Variants in EPHB1 observed in about 807,000 individuals in gnomAD.
EPHB1 encodes ephrin type-B receptor 1.
In EPHB1, 30 loss-of-function variants were observed where a neutral mutation model predicts 94.4. The observed-to-expected ratio is 0.32, with a 90% CI of 0.24 to 0.43. The LOEUF (loss-of-function observed/expected upper bound fraction) is 0.43, where lower values mean the gene tolerates loss of function less well. Ranked by LOEUF, EPHB1 falls within the 20% of genes least tolerant of loss-of-function variation. The probability of loss-of-function intolerance (pLI) is 1.00; values close to 1 mark genes in which losing one functional copy is unlikely to be tolerated. For synonymous variants in EPHB1, 522 were observed against 489.1 expected, an observed-to-expected ratio of 1.07 and a Z score of -0.89; for missense variants, 1,055 against 1,308.3, an observed-to-expected ratio of 0.81 and a Z score of 2.99.
At chr3:134,950,707 G>A (rs1932994369) in intron 2 of EPHB1, among the ~76,000 whole-genome samples, 4 of 152,092 alleles carry the variant, frequency 2.6e-5, no homozygotes, top group South Asian at 4.1e-4. Flanking sequence ...TGAAGGATCT[G>A]CCCCCATAAT....
chr3:135,018,770 G>C (rs1361268657), intron 3 of EPHB1, among the ~76,000 whole-genome samples: 1 of 152,116 alleles, frequency 6.6e-6, no homozygotes, highest in African/African-American at 2.4e-5. Context: ...GCCTAGCACT[G>C]TGTCTGCTGA....
intron 1 of EPHB1, among the ~76,000 whole-genome samples, chr3:134,909,183 A>G (rs2038403216): frequency 2.6e-5 from 4 of 151,474 alleles, no homozygotes; most frequent in Admixed American, 2.6e-4. Flanking sequence ...AATGCTCAGG[A>G]GGTCCTGGCC....
chr3:135,197,723 T>A (rs993821896), intron 11 of EPHB1, among the ~76,000 whole-genome samples: 1 of 152,180 alleles, frequency 6.6e-6, no homozygotes, highest in Non-Finnish European at 1.5e-5. Context: ...TTAAATCACC[T>A]CACCTAGACC....
intron 1 of EPHB1, among the ~76,000 whole-genome samples, chr3:134,804,069 C>CTTTTT: frequency 1.9e-5 from 1 of 51,810 alleles, no homozygotes; most frequent in Non-Finnish European, 3.5e-5. Flanking sequence ...TCATTATTGG[C>CTTTTT]TATTTTTTTT....
chr3:135,044,700 G>T (rs1364849373), intron 3 of EPHB1, among the ~76,000 whole-genome samples: 2 of 152,204 alleles, frequency 1.3e-5, no homozygotes, highest in Admixed American at 6.5e-5. Context: ...TTGAGCAAAT[G>T]CTTAATAAAT....
At chr3:134,938,756 C>T (rs1048667892) in intron 2 of EPHB1, among the ~76,000 whole-genome samples, 4 of 152,138 alleles carry the variant, frequency 2.6e-5, no homozygotes, top group Non-Finnish European at 4.4e-5. Context: ...ACCTTGCAAG[C>T]TTAAGTCATG....
At chr3:134,996,497 A>C (rs561132703) in intron 3 of EPHB1, among the ~76,000 whole-genome samples, 1 of 152,146 alleles carries the variant, frequency 6.6e-6, no homozygotes, top group Non-Finnish European at 1.5e-5. Context: ...ATAATAGATA[A>C]TATTCTTAAG....
At chr3:135,227,389 T>G (rs961965653) in intron 12 of EPHB1, among the ~76,000 whole-genome samples, 5 of 152,202 alleles carry the variant, frequency 3.3e-5, no homozygotes, top group Non-Finnish European at 7.3e-5. Context: ...TTGGTGTGCT[T>G]TCTTCTCCTC....
chr3:134,956,075 G>T (rs1933257773), intron 3 of EPHB1, among the ~76,000 whole-genome samples: 2 of 152,078 alleles, frequency 1.3e-5, no homozygotes, highest in Admixed American at 1.3e-4. Flanking sequence ...GCTGAAGTTG[G>T]ACTGCAGGGA....
chr3:134,799,077 G>A (rs1293269970), intron 1 of EPHB1, among the ~76,000 whole-genome samples: 1 of 152,256 alleles, frequency 6.6e-6, no homozygotes, highest in Non-Finnish European at 1.5e-5. Context: ...TGGGTTCCCA[G>A]TAGGCATTGC....
At chr3:135,217,424 CCACACACACACA>C (rs200312241) in intron 12 of EPHB1, among the ~76,000 whole-genome samples, 2,528 of 143,462 alleles carry the variant, frequency 0.018, 46 homozygotes, top group African/African-American at 0.053. Flanking sequence ...CCCATCAGTA[CCACACACACACA>C]CACACACACA....
chr3:134,849,014 A>G (rs1333002398), intron 1 of EPHB1, among the ~76,000 whole-genome samples: 1 of 152,192 alleles, frequency 6.6e-6, no homozygotes, highest in Non-Finnish European at 1.5e-5. Flanking sequence ...GATCACACCT[A>G]CGCACAAGGC....
chr3:134,926,926 A>G (rs2038802578), intron 2 of EPHB1, among the ~76,000 whole-genome samples: 1 of 152,212 alleles, frequency 6.6e-6, no homozygotes, highest in Non-Finnish European at 1.5e-5. Flanking sequence ...CAATGGATGG[A>G]CTATGGCAGG....
At chr3:134,880,093 G>A (rs951721693) in intron 1 of EPHB1, among the ~76,000 whole-genome samples, 1 of 152,192 alleles carries the variant, frequency 6.6e-6, no homozygotes, top group Non-Finnish European at 1.5e-5. Context: ...TTTGCTCAGA[G>A]GCTGGAAGAA....
chr3:135,030,317 C>T (rs1936386352), intron 3 of EPHB1, among the ~76,000 whole-genome samples: 1 of 152,150 alleles, frequency 6.6e-6, no homozygotes, highest in African/African-American at 2.4e-5. Context: ...TTAGAGTTTC[C>T]ATTTTTTCTG....
intron 12 of EPHB1, among the ~76,000 whole-genome samples, chr3:135,208,304 T>TGA (rs1169734029): frequency 8.0e-5 from 12 of 149,144 alleles, no homozygotes; most frequent in African/African-American, 2.7e-4. Flanking sequence ...TGTGTGTGTG[T>TGA]GTGTGTGTGT....
At chr3:135,080,573 G>A (rs913167169) in intron 3 of EPHB1, among the ~76,000 whole-genome samples, 21 of 152,216 alleles carry the variant, frequency 1.4e-4, no homozygotes, top group Admixed American at 3.9e-4. Flanking sequence ...CTGGAGGAGA[G>A]GGGGGACAGC....
chr3:135,182,288 A>G (rs556325390), intron 10 of EPHB1, among the ~76,000 whole-genome samples: 1 of 152,356 alleles, frequency 6.6e-6, no homozygotes, highest in East Asian at 1.9e-4. Context: ...TCTCTTAGCC[A>G]CTTGAAATAC....
chr3:134,881,827 G>A (rs1484189797), intron 1 of EPHB1, among the ~76,000 whole-genome samples: 2 of 152,212 alleles, frequency 1.3e-5, no homozygotes, highest in Non-Finnish European at 2.9e-5. Context: ...TGGCTTGGCA[G>A]GCAGTAGAAG....
Sources: gnomAD v4.1 joint callset for allele counts (sites outside exome capture counted in the v4.1 genomes callset) on GRCh38, gnomAD v4.1.1 for gene constraint, MANE v1.5 for transcripts, NCBI Gene and HGNC (gene_info 2026-07-23, HGNC 2026-07-21) for gene names.